The following DAB1 variants were observed in gnomAD, a reference collection of about 807,000 sequenced individuals.
DAB1 encodes the protein DAB adaptor protein 1.
A neutral mutation model predicts 64.6 loss-of-function variants in DAB1; 15 were observed. That is an observed-to-expected ratio of 0.23 (90% CI 0.16 to 0.36). DAB1 has a LOEUF of 0.36. Ranked by LOEUF, DAB1 falls within the 10% of genes least tolerant of loss-of-function variation. DAB1 has a pLI of 1.00. For missense variants in DAB1, 596 were observed against 706.7 expected (o/e 0.84, Z 1.78); for synonymous variants, 235 against 251.9 (o/e 0.93, Z 0.64).
At chr1:58,295,981 T>A (rs1661963817) in intron 4 of DAB1, among the ~76,000 whole-genome samples, 1 of 150,214 alleles carries the variant, frequency 6.7e-6, no homozygotes, top group South Asian at 2.1e-4. Flanking sequence ...TAGTCCCAGC[T>A]ACTCAGGAAG....
intron 2 of DAB1, among the ~76,000 whole-genome samples, chr1:57,204,921 A>G (rs975933089): frequency 1.3e-5 from 2 of 152,202 alleles, no homozygotes; most frequent in Non-Finnish European, 2.9e-5. Flanking sequence ...TACCAATAGC[A>G]ATACTAATTT....
intron 3 of DAB1, among the ~76,000 whole-genome samples, chr1:58,375,215 A>G (rs1001792870): frequency 1.4e-5 from 2 of 147,470 alleles, no homozygotes; most frequent in Non-Finnish European, 3.0e-5. Context: ...TTCCAACACT[A>G]TGTTGAATAG....
At chr1:57,138,462 T>C (rs1371531706) in intron 3 of DAB1, among the ~76,000 whole-genome samples, 1 of 152,092 alleles carries the variant, frequency 6.6e-6, no homozygotes, top group Non-Finnish European at 1.5e-5. Flanking sequence ...CCCCTTCCAA[T>C]CTTCCTCTTT....
intron 4 of DAB1, among the ~76,000 whole-genome samples, chr1:58,268,563 T>A (rs1323622353): frequency 6.6e-6 from 1 of 152,082 alleles, no homozygotes; most frequent in African/African-American, 2.4e-5. Flanking sequence ...GTGAATGAGA[T>A]CTGAAATAAT....
At chr1:57,456,227 C>T (rs1207564571) in intron 7 of DAB1, among the ~76,000 whole-genome samples, 3 of 152,138 alleles carry the variant, frequency 2.0e-5, no homozygotes, top group African/African-American at 7.2e-5. Flanking sequence ...CTTTTCAAAG[C>T]TAAACATTCA....
chr1:57,320,068 AT>A (rs1675572146), intron 1 of DAB1, among the ~76,000 whole-genome samples: 2 of 152,296 alleles, frequency 1.3e-5, no homozygotes, highest in Non-Finnish European at 1.5e-5. Context: ...CCGATAACAA[AT>A]GGCTTTATTC....
intron 3 of DAB1, among the ~76,000 whole-genome samples, chr1:57,143,604 C>T (rs1658823792): frequency 3.3e-5 from 5 of 151,930 alleles, no homozygotes; most frequent in Admixed American, 2.6e-4. Flanking sequence ...AAATGAATAT[C>T]CAGTGTAGAA....
chr1:57,203,559 C>G (rs1454137381), intron 2 of DAB1, among the ~76,000 whole-genome samples: 1 of 152,148 alleles, frequency 6.6e-6, no homozygotes, highest in Non-Finnish European at 1.5e-5. Flanking sequence ...AACTGAAAGC[C>G]CACCTGGATT....
At position 57,717,216 on chromosome 1, in the gene DAB1, G is replaced by A. The variant is rs577703359; in HGVS notation, n.552-67551C>T. ...CGCACCATTGCACTCCAGCCTGGGCGACAGAGCGAGACTGTCTCAAAAATT... is the reference window on the plus strand; with the variant it reads ...CGCACCATTGCACTCCAGCCTGGGCAACAGAGCGAGACTGTCTCAAAAATT... On this transcript the variant is annotated intron_variant and non_coding_transcript_variant, in intron 6 of 20. Transcript: ENST00000485760. 3.0e-3 allele frequency among the ~76,000 whole-genome samples: 447 copies of A among 151,344 alleles called. 2 individuals carry two copies. Among genetic ancestry groups the A allele is most frequent in the African/African-American group, 0.01 (418 of 41,212 alleles).
At chr1:58,105,908 T>C (rs1277951558) in intron 5 of DAB1, among the ~76,000 whole-genome samples, 1 of 152,220 alleles carries the variant, frequency 6.6e-6, no homozygotes, top group Non-Finnish European at 1.5e-5. Context: ...TTCATTCATT[T>C]ATTCAACAAA....
intron 3 of DAB1, among the ~76,000 whole-genome samples, chr1:58,396,303 T>G (rs1385094814): frequency 1.3e-5 from 2 of 152,230 alleles, no homozygotes; most frequent in Non-Finnish European, 1.5e-5. Context: ...GATGTCTAGT[T>G]GCATCTTGTT....
chr1:57,079,418 T>C (rs901635993), intron 4 of DAB1, among the ~76,000 whole-genome samples: 2 of 152,144 alleles, frequency 1.3e-5, no homozygotes, highest in African/African-American at 4.8e-5. Context: ...GTCACACAGC[T>C]ATCATTTCCT....
chr1:57,889,343 G>A (rs1219368618), intron 5 of DAB1, among the ~76,000 whole-genome samples: 1 of 152,216 alleles, frequency 6.6e-6, no homozygotes, highest in Non-Finnish European at 1.5e-5. Context: ...TATCCAGCGT[G>A]CCATAGGACC....
At chr1:57,688,684 G>T (rs1646729025) in intron 6 of DAB1, among the ~76,000 whole-genome samples, 1 of 152,108 alleles carries the variant, frequency 6.6e-6, no homozygotes, top group African/African-American at 2.4e-5. Context: ...ATCAACGGTG[G>T]ATTATATAAA....
intron 3 of DAB1, among the ~76,000 whole-genome samples, chr1:58,361,679 G>C (rs1000426005): frequency 2.6e-5 from 4 of 151,968 alleles, no homozygotes; most frequent in African/African-American, 9.7e-5. Flanking sequence ...TCGGATTCTG[G>C]CTTTCAGTCT....
At chr1:57,229,262 T>C (rs919109767) in intron 2 of DAB1, among the ~76,000 whole-genome samples, 3 of 151,600 alleles carry the variant, frequency 2.0e-5, no homozygotes, top group Non-Finnish European at 4.4e-5. Context: ...GATATGATCG[T>C]GGCTCACTGC....
chr1:57,277,098 C>G lies in DAB1; in HGVS notation c.67+13866G>C, dbSNP rs552010791. 1.1e-4 allele frequency among the ~76,000 whole-genome samples: 17 copies of G among 152,320 alleles called. No individual in the cohort carries two copies. In the South Asian group the frequency reaches 3.5e-3, roughly 32 times the overall value. Reference sequence around the variant, plus strand: ...ACTAGCATCTCTTGATCACCTATGACGTGCTAAAGTCCGCGATAGGCACCT... The same window carrying G: ...ACTAGCATCTCTTGATCACCTATGAGGTGCTAAAGTCCGCGATAGGCACCT... On this transcript the variant is annotated intron_variant, in intron 2 of 14. Transcript: ENST00000371236.
intron 3 of DAB1, among the ~76,000 whole-genome samples, chr1:58,397,046 C>T (rs1644529541): frequency 6.9e-6 from 1 of 145,588 alleles, no homozygotes; most frequent in African/African-American, 2.6e-5. Context: ...GCCTGGGCGA[C>T]GGAGCGAGAC....
intron 5 of DAB1, among the ~76,000 whole-genome samples, chr1:57,894,202 T>C (rs1455448752): frequency 6.6e-6 from 1 of 152,194 alleles, no homozygotes; most frequent in Non-Finnish European, 1.5e-5. Flanking sequence ...TGTACTTTCC[T>C]TCCTTTTGTT....
Sources: gnomAD v4.1 joint callset for allele counts (sites outside exome capture counted in the v4.1 genomes callset) on GRCh38, gnomAD v4.1.1 for gene constraint, MANE v1.5 for transcripts, NCBI Gene and HGNC (gene_info 2026-07-23, HGNC 2026-07-21) for gene names.